The following STK32B variants were observed in gnomAD, a reference collection of about 807,000 sequenced individuals.
STK32B encodes serine/threonine-protein kinase 32B.
In STK32B, 43 loss-of-function variants were observed where a neutral mutation model predicts 52.6. That is an observed-to-expected ratio of 0.82 (90% confidence interval 0.64 to 1.05). The LOEUF (loss-of-function observed/expected upper bound fraction) is 1.05. Ranked by LOEUF, STK32B falls within the 50% of genes least tolerant of loss-of-function variation. The pLI is 0.00. For missense variants in STK32B, 621 were observed against 534.6 expected (o/e 1.16, Z -1.59); for synonymous variants, 238 against 204.3 (o/e 1.17, Z -1.41).
chr4:5,384,721 G>A (rs1305852397), intron 4 of STK32B, among the ~76,000 whole-genome samples: 2 of 152,186 alleles, frequency 1.3e-5, no homozygotes, highest in Admixed American at 1.3e-4. Context: ...GGGGAAGTCG[G>A]TGATGACCCT....
At position 5,499,238 on chromosome 4, in the gene STK32B, C is replaced by T. The variant is rs1720548960; in HGVS notation, c.*155C>T. ...GAGCTGGGAAGCCTGGGTTCTGGTCCCATCTCCATGACTGATTCACGTGTG... is the reference window on the plus strand; with the variant it reads ...GAGCTGGGAAGCCTGGGTTCTGGTCTCATCTCCATGACTGATTCACGTGTG... On this transcript the variant is annotated 3_prime_UTR_variant, in exon 12 of 12. Coordinates refer to ENST00000282908, the MANE Select transcript of STK32B (RefSeq NM_018401.3). 1.8e-6 allele frequency: 2 copies of T among 1,092,382 alleles called. No homozygotes were observed. Among genetic ancestry groups the T allele is most frequent in the South Asian group, 2.0e-5 (1 of 50,774 alleles). 67.7% of individuals were successfully genotyped at this position (1,092,382 alleles called of 1,614,324 possible). A position where few individuals can be genotyped will look rare whatever the true frequency, so the allele number is the denominator to read the frequency against.
At chr4:5,071,811 G>C (rs796653203) in intron 1 of STK32B, among the ~76,000 whole-genome samples, 5 of 152,152 alleles carry the variant, frequency 3.3e-5, no homozygotes, top group African/African-American at 1.2e-4. Context: ...GTCTTAAACT[G>C]TGGCTATAAA....
Position 5,244,100 on chromosome 4 carries a change from A to T in STK32B, c.260+75650A>T, listed in dbSNP as rs372901687. Among the ~76,000 whole-genome samples, 35 of 152,212 alleles carry T rather than the reference A, an allele frequency of 2.3e-4. 1 individual carries two copies. The South Asian group carries it at 6.9e-3, about 30-fold the overall frequency. ...AGGATGATGCTGGCCTCATAAAATG[A>T]GTTAGGGAGGATTCTGTCTTTTTCT... On this transcript the variant is annotated intron_variant, in intron 3 of 11. Coordinates refer to ENST00000282908, the MANE Select transcript of STK32B (RefSeq NM_018401.3).
At chr4:5,218,206 A>G (rs1457707286) in intron 3 of STK32B, among the ~76,000 whole-genome samples, 3 of 152,162 alleles carry the variant, frequency 2.0e-5, no homozygotes, top group African/African-American at 4.8e-5. Context: ...GGGATAGTAA[A>G]TTGATTCCAT....
chr4:5,318,435 C>T (rs1052693349), intron 3 of STK32B, among the ~76,000 whole-genome samples: 2 of 150,642 alleles, frequency 1.3e-5, no homozygotes, highest in African/African-American at 4.9e-5. Flanking sequence ...AACCCTGGAA[C>T]AGAAAGAAGA....
chr4:5,167,715 C>G (rs1284765105), intron 2 of STK32B, among the ~76,000 whole-genome samples: 6 of 152,238 alleles, frequency 3.9e-5, no homozygotes, highest in Admixed American at 2.0e-4. Context: ...GGTACTGATA[C>G]TCCCGTTTCT....
At chr4:5,421,396 T>G (rs1712636505) in intron 6 of STK32B, among the ~76,000 whole-genome samples, 1 of 151,880 alleles carries the variant, frequency 6.6e-6, no homozygotes. Flanking sequence ...GGCTAATTTT[T>G]GCATTTTTAG....
chr4:5,367,827 A>G (rs1734973967), intron 4 of STK32B, among the ~76,000 whole-genome samples: 1 of 152,252 alleles, frequency 6.6e-6, no homozygotes, highest in South Asian at 2.1e-4. Context: ...TATTCCAGAA[A>G]ACTTTAATAA....
intron 9 of STK32B, among the ~76,000 whole-genome samples, chr4:5,464,668 T>C (rs956869236): frequency 2.0e-5 from 3 of 152,218 alleles, no homozygotes; most frequent in African/African-American, 7.2e-5. Context: ...GTGTGACTTA[T>C]CTTGTGTCAG....
At chr4:5,241,711 T>G (rs1026083304) in intron 3 of STK32B, among the ~76,000 whole-genome samples, 1 of 152,176 alleles carries the variant, frequency 6.6e-6, no homozygotes, top group Non-Finnish European at 1.5e-5. Flanking sequence ...TATCTCCTAA[T>G]GCTATCCCTC....
chr4:5,280,614 G>T (rs990572610), intron 3 of STK32B, among the ~76,000 whole-genome samples: 2 of 152,110 alleles, frequency 1.3e-5, no homozygotes, highest in Non-Finnish European at 2.9e-5. Context: ...GACATACCTG[G>T]CCGAGCGCAG....
chr4:5,479,336 C>T (rs1452743892), intron 11 of STK32B, among the ~76,000 whole-genome samples: 7 of 152,076 alleles, frequency 4.6e-5, no homozygotes, highest in Non-Finnish European at 1.0e-4. Flanking sequence ...TCAGGCTGGT[C>T]TCAAATTCCC....
intron 3 of STK32B, among the ~76,000 whole-genome samples, chr4:5,224,324 T>G (rs780402996): frequency 6.6e-6 from 1 of 152,366 alleles, no homozygotes; most frequent in African/African-American, 2.4e-5. Flanking sequence ...GACCTCCCAA[T>G]GCACTTAGCT....
intron 2 of STK32B, among the ~76,000 whole-genome samples, chr4:5,153,449 G>A (rs957931013): frequency 6.6e-6 from 1 of 151,308 alleles, no homozygotes; most frequent in South Asian, 2.1e-4. Context: ...CCTGGCGTGT[G>A]GATGGCCTTT....
intron 4 of STK32B, among the ~76,000 whole-genome samples, chr4:5,371,676 T>A (rs894350617): frequency 6.6e-6 from 1 of 152,182 alleles, no homozygotes; most frequent in Non-Finnish European, 1.5e-5. Flanking sequence ...TCATAAATAT[T>A]TCAGGCTTGC....
chr4:5,041,913 A>G, the STK32B span, among the ~76,000 whole-genome samples: 1 of 152,198 alleles, frequency 6.6e-6, no homozygotes, highest in African/African-American at 2.4e-5. Context: ...TTTAAATAAA[A>G]TAGGCTTAAC....
chr4:5,353,879 C>A (rs949744676), intron 4 of STK32B, among the ~76,000 whole-genome samples: 15 of 152,272 alleles, frequency 9.9e-5, no homozygotes, highest in Middle Eastern at 3.4e-3. Flanking sequence ...AATCCCACTA[C>A]TGGGTGTTTA....
intron 2 of STK32B, chr4:5,140,174 A>T: frequency 6.8e-7 from 1 of 1,480,236 alleles, no homozygotes; most frequent in Non-Finnish European, 9.1e-7. Context: ...GGTTTAGGTG[A>T]ATTACAATGG....
At chr4:5,286,705 C>A (rs1023260343) in intron 3 of STK32B, among the ~76,000 whole-genome samples, 5 of 150,644 alleles carry the variant, frequency 3.3e-5, no homozygotes, top group African/African-American at 1.2e-4. Context: ...TGTTGGAATT[C>A]AAAATAGGAC....
Sources: allele counts gnomAD v4.1 joint callset (sites outside exome capture counted in the v4.1 genomes callset), GRCh38; gene constraint gnomAD v4.1.1; transcripts MANE v1.5; gene names NCBI Gene and HGNC (gene_info 2026-07-23, HGNC 2026-07-21).